The following MCTP2 variants were observed in gnomAD, a reference collection of about 807,000 sequenced individuals.
MCTP2 encodes the protein multiple C2 and transmembrane domain-containing protein 2.
MCTP2 carries 132 observed loss-of-function variants against 111.6 expected under a neutral mutation model. The ratio of observed to expected loss-of-function variants is 1.18; its 90% CI spans 1.03 to 1.37. The LOEUF (loss-of-function observed/expected upper bound fraction) is 1.37. MCTP2 is among the 40% of genes most tolerant of loss of function. MCTP2 has a pLI of 0.00. For missense variants in MCTP2, 1,183 were observed against 1,067.9 expected (o/e 1.11, Z -1.50); for synonymous variants, 395 against 387.7 (o/e 1.02, Z -0.22).
At chr15:94,372,904 T>TG (rs765286456) in intron 12 of MCTP2, among the ~76,000 whole-genome samples, 64 of 152,364 alleles carry the variant, frequency 4.2e-4, no homozygotes, top group Admixed American at 8.5e-4. Flanking sequence ...TTTTATTTTG[T>TG]GGTAATTGCA....
intron 14 of MCTP2, among the ~76,000 whole-genome samples, chr15:94,387,423 C>A (rs754660821): frequency 2.0e-5 from 3 of 152,048 alleles, no homozygotes; most frequent in African/African-American, 7.3e-5. Context: ...CACTTCCAGT[C>A]AAGAACCGCT....
At chr15:94,296,567 A>G (rs2075286043) in intron 1 of MCTP2, among the ~76,000 whole-genome samples, 1 of 152,176 alleles carries the variant, frequency 6.6e-6, no homozygotes, top group Non-Finnish European at 1.5e-5. Context: ...CTCTTACATA[A>G]CTTGATTAAG....
intron 17 of MCTP2, among the ~76,000 whole-genome samples, chr15:94,423,585 A>G (rs958370103): frequency 1.3e-5 from 2 of 152,212 alleles, no homozygotes; most frequent in African/African-American, 2.4e-5. Context: ...GGAATCATAC[A>G]TAGTGAGGTA....
At position 94,401,979 on chromosome 15, in the gene MCTP2, T is replaced by G; in HGVS notation, c.2045T>G (p.Phe682Cys). 1 of 1,613,664 alleles carries G rather than the reference T, an allele frequency of 6.2e-7. No individual in the cohort carries two copies. Among genetic ancestry groups the G allele is most frequent in the East Asian group, 2.2e-5 (1 of 44,838 alleles). The change falls in exon 17 of 23, where the codon TTC becomes TGC. Residue 682 changes from phenylalanine to cysteine, a missense_variant. Physicochemically the swap from Phe to Cys is radical, Grantham distance 205 (BLOSUM62 -2). Transcript: ENST00000357742. ...WNTMQFLKSCFQWESTLRSTI... is the reference protein window; with the variant it reads ...WNTMQFLKSCCQWESTLRSTI... ...ACAATGCAGTTCCTTAAAAGCTGCT[T>G]CCAGTGGGAATCCACATTAAGAAGT...
At chr15:94,478,577 G>T (rs2074554950) in intron 22 of MCTP2, among the ~76,000 whole-genome samples, 1 of 152,134 alleles carries the variant, frequency 6.6e-6, no homozygotes, top group South Asian at 2.1e-4. Flanking sequence ...TTTTCCCCAA[G>T]ATTTTAGATA....
At chr15:94,471,915 C>G (rs2073963474) in intron 21 of MCTP2, among the ~76,000 whole-genome samples, 1 of 152,188 alleles carries the variant, frequency 6.6e-6, no homozygotes, top group Non-Finnish European at 1.5e-5. Flanking sequence ...TTGTCTGACT[C>G]TAACCAGAAT....
intron 1 of MCTP2, among the ~76,000 whole-genome samples, chr15:94,236,102 G>A (rs1036135338): frequency 6.6e-6 from 1 of 152,060 alleles, no homozygotes; most frequent in African/African-American, 2.4e-5. Context: ...CATGATTAAG[G>A]GCTCCTATGG....
intron 3 of MCTP2, chr15:94,314,767 C>A: frequency 2.2e-6 from 1 of 458,430 alleles, no homozygotes; most frequent in South Asian, 1.6e-5. Context: ...TTTAATTGGG[C>A]TCATGTAATA....
chr15:94,459,640 C>A (rs962567203), intron 20 of MCTP2, among the ~76,000 whole-genome samples: 3 of 152,108 alleles, frequency 2.0e-5, no homozygotes, highest in African/African-American at 7.2e-5. Context: ...CCTGAATTTA[C>A]CCTCAAAATG....
intron 22 of MCTP2, among the ~76,000 whole-genome samples, 195 bp downstream of exon 22, chr15:94,476,988 T>C (rs754787920): frequency 2.0e-5 from 3 of 152,108 alleles, no homozygotes; most frequent in Non-Finnish European, 2.9e-5. Flanking sequence ...GGAAATTGTT[T>C]TGAAAAAGAG....
At chr15:94,318,805 A>T (rs148853921) in intron 4 of MCTP2, among the ~76,000 whole-genome samples, 791 of 152,308 alleles carry the variant, frequency 5.2e-3, no homozygotes, top group African/African-American at 0.018. Flanking sequence ...AATAGGGCTT[A>T]TGTGCACTTG....
intron 1 of MCTP2, among the ~76,000 whole-genome samples, chr15:94,283,564 C>G (rs2074605299): frequency 6.6e-6 from 1 of 152,142 alleles, no homozygotes. Flanking sequence ...CTATTTCATT[C>G]ACCCCTTTCC....
At chr15:94,339,241 C>T (rs1596401087) in intron 4 of MCTP2, 49 bp from the exon 5 acceptor site, 2 of 1,410,066 alleles carry the variant, frequency 1.4e-6, no homozygotes, top group Middle Eastern at 2.6e-4. Context: ...AAGTCCCAGG[C>T]TTTTACATGT....
intron 19 of MCTP2, among the ~76,000 whole-genome samples, chr15:94,443,987 A>AC (rs2152513518): frequency 6.9e-6 from 1 of 144,074 alleles, no homozygotes; most frequent in South Asian, 2.1e-4. Flanking sequence ...TTACCAAAAA[A>AC]AAAAAAAAAA....
intron 21 of MCTP2, 67 bp downstream of exon 21, chr15:94,470,509 G>C (rs2073833693): frequency 3.8e-6 from 4 of 1,066,562 alleles, no homozygotes; most frequent in Non-Finnish European, 5.9e-6. Context: ...CATTTTTAAA[G>C]TGCGACTATT....
intron 1 of MCTP2, among the ~76,000 whole-genome samples, chr15:94,280,495 CTT>C (rs968974939): frequency 7.0e-6 from 1 of 143,080 alleles, no homozygotes; most frequent in African/African-American, 2.6e-5. Context: ...TGGATCTTCT[CTT>C]TTTTTTTTCT....
chr15:94,390,920 A>T (rs113501776), intron 14 of MCTP2, among the ~76,000 whole-genome samples: 11,259 of 151,780 alleles, frequency 0.074, 605 homozygotes, highest in Non-Finnish European at 0.11. Context: ...AGTAGAGACA[A>T]GGTTTCACCA....
At chr15:94,383,950 C>T (rs2080302941) in intron 12 of MCTP2, 72 bp from the exon 13 acceptor site, 2 of 1,101,442 alleles carry the variant, frequency 1.8e-6, no homozygotes, top group Admixed American at 3.6e-5. Context: ...CTTTATCTGA[C>T]TCTTGTTCAC....
At chr15:94,349,644 C>A (rs1356648162) in intron 8 of MCTP2, among the ~76,000 whole-genome samples, 1 of 151,686 alleles carries the variant, frequency 6.6e-6, no homozygotes, top group Non-Finnish European at 1.5e-5. Context: ...CATGGTGAAA[C>A]CCCGTCTCTA....
Sources: allele counts gnomAD v4.1 joint callset (sites outside exome capture counted in the v4.1 genomes callset), GRCh38; gene constraint gnomAD v4.1.1; transcripts MANE v1.5; gene names NCBI Gene and HGNC (gene_info 2026-07-23, HGNC 2026-07-21).